The following MMP26 variants were observed in gnomAD, a reference collection of about 807,000 sequenced individuals.
The protein encoded by MMP26 is matrix metallopeptidase 26.
In MMP26, 33 loss-of-function variants were observed where a neutral mutation model predicts 31.0. That is an observed-to-expected ratio of 1.06 (90% CI 0.81 to 1.42). The LOEUF (loss-of-function observed/expected upper bound fraction) is 1.42. Among genes scored for constraint, MMP26 ranks in the 40% most tolerant of loss-of-function variants. MMP26 has a pLI of 0.00. For synonymous variants in MMP26, 122 were observed against 114.9 expected (o/e 1.06, Z -0.40); for missense variants, 347 against 316.1 (o/e 1.10, Z -0.74).
chr11:4,980,718 ATTAC>A (rs1227326039), intron 2 of MMP26, among the ~76,000 whole-genome samples: 2 of 152,076 alleles, frequency 1.3e-5, no homozygotes, highest in Non-Finnish European at 2.9e-5. Flanking sequence ...AATATGAAAG[ATTAC>A]TTTGTGGTGA....
chr11:4,859,781 A>T (rs556582900), intron 2 of MMP26: 1 of 471,412 alleles, frequency 2.1e-6, no homozygotes, highest in South Asian at 1.5e-5. Flanking sequence ...TGGATCATGG[A>T]GGCAGCACCC....
chr11:4,743,352 T>A (rs1210401096), intron 1 of MMP26, among the ~76,000 whole-genome samples: 1 of 152,216 alleles, frequency 6.6e-6, no homozygotes, highest in African/African-American at 2.4e-5. Context: ...AATTATTTCC[T>A]TATGTGCTAA....
At chr11:4,710,298 G>T (rs778170053) in intron 1 of MMP26, 25 of 456,656 alleles carry the variant, frequency 5.5e-5, no homozygotes, top group African/African-American at 4.4e-4. Flanking sequence ...TGGTACCTGT[G>T]TCTCTCACAT....
chr11:4,881,794 C>A (rs971086910), intron 2 of MMP26: 3 of 1,032,730 alleles, frequency 2.9e-6, no homozygotes, highest in African/African-American at 1.6e-5. Context: ...AAAATAACTA[C>A]CTTAAATTTA....
chr11:4,803,872 G>T, intron 2 of MMP26: 2 of 1,612,656 alleles, frequency 1.2e-6, no homozygotes, highest in Non-Finnish European at 1.7e-6. Context: ...TTGGCAGAAG[G>T]GCATCCTAGA....
intron 2 of MMP26, chr11:4,768,891 A>T: frequency 1.4e-6 from 1 of 711,598 alleles, no homozygotes; most frequent in Non-Finnish European, 2.2e-6. Context: ...TTAAAAACCC[A>T]CATGCAATAG....
intron 2 of MMP26, among the ~76,000 whole-genome samples, chr11:4,935,240 CT>C (rs1205400397): frequency 2.6e-5 from 4 of 151,066 alleles, no homozygotes. Context: ...TTTGTATCCT[CT>C]TTTATTTCAT....
At chr11:4,969,656 T>A (rs1427036159) in intron 2 of MMP26, among the ~76,000 whole-genome samples, 1 of 152,114 alleles carries the variant, frequency 6.6e-6, no homozygotes, top group Non-Finnish European at 1.5e-5. Flanking sequence ...ACAATTAATT[T>A]TAACTGCATC....
chr11:4,818,756 G>A lies in MMP26; in HGVS notation c.-145+51415G>A, dbSNP rs149994761. 1.8e-4 allele frequency among the ~76,000 whole-genome samples: 28 copies of A among 152,088 alleles called. 1 individual carries two copies. In the East Asian group the frequency reaches 3.1e-3, roughly 17 times the overall value. ...TTCAGCTTAAAAGACTGTTTTTCTC[G>A]TTTATGTGTTTCCGGAATAGAGAAG... On this transcript the variant is annotated intron_variant, in intron 2 of 7. Coordinates refer to ENST00000380390, the MANE Select transcript of MMP26 (RefSeq NM_021801.5).
intron 2 of MMP26, among the ~76,000 whole-genome samples, chr11:4,854,152 A>G (rs1850015010): frequency 4.6e-5 from 7 of 152,236 alleles, no homozygotes; most frequent in Admixed American, 4.6e-4. Context: ...AGCATGAGTG[A>G]CACAGAAGAC....
chr11:4,840,929 T>A (rs751207528), intron 2 of MMP26, among the ~76,000 whole-genome samples: 2 of 152,070 alleles, frequency 1.3e-5, no homozygotes, highest in Non-Finnish European at 2.9e-5. Context: ...GAGAAGGAAC[T>A]CAGAACTACA....
intron 1 of MMP26, chr11:4,723,929 G>T: frequency 1.1e-6 from 1 of 880,566 alleles, no homozygotes; most frequent in Non-Finnish European, 1.9e-6. Context: ...TGGATGTTGG[G>T]ATCTACCTCC....
intron 1 of MMP26, among the ~76,000 whole-genome samples, chr11:4,750,663 TCAGAAA>T (rs746144119): frequency 6.6e-6 from 1 of 151,906 alleles, no homozygotes; most frequent in Non-Finnish European, 1.5e-5. Context: ...ATGAAATAAC[TCAGAAA>T]CAGAAAGTAA....
At chr11:4,826,474 C>A (rs925645105) in intron 2 of MMP26, among the ~76,000 whole-genome samples, 1 of 151,998 alleles carries the variant, frequency 6.6e-6, no homozygotes, top group African/African-American at 2.4e-5. Context: ...CCAGGTTATG[C>A]CATTGTTGTT....
At chr11:4,892,186 C>T (rs1319582342) in intron 2 of MMP26, among the ~76,000 whole-genome samples, 2 of 152,218 alleles carry the variant, frequency 1.3e-5, no homozygotes, top group Non-Finnish European at 1.5e-5. Flanking sequence ...CATTCCTCTT[C>T]TAGAAGACCT....
intron 2 of MMP26, among the ~76,000 whole-genome samples, chr11:4,878,907 C>T (rs189717585): frequency 3.3e-5 from 5 of 151,930 alleles, no homozygotes; most frequent in East Asian, 1.9e-4. Context: ...GTGACTCATA[C>T]GTATATAGTG....
In MMP26 at chr11:4,946,293, A is replaced by T; in HGVS notation, c.-144-41775A>T. ...GCCATGAGAACATTAATGAGGGGAG[A>T]GACATGCCGGGCAAAGCGGTGGACA... On this transcript the variant is annotated intron_variant, in intron 2 of 7. Coordinates refer to ENST00000380390, the MANE Select transcript of MMP26 (RefSeq NM_021801.5). 1.2e-6 allele frequency: 2 copies of T among 1,613,862 alleles called. No individual in the cohort carries two copies. The highest frequency in any genetic ancestry group is 2.7e-5 in the African/African-American group (2 of 74,838).
chr11:4,976,545 G>T (rs994966201), intron 2 of MMP26, among the ~76,000 whole-genome samples: 13 of 151,956 alleles, frequency 8.6e-5, no homozygotes, highest in Non-Finnish European at 1.9e-4. Flanking sequence ...GCTGAACCCA[G>T]GATAAAGCCA....
In MMP26 at chr11:4,816,132, G is replaced by T. The variant is rs570608876; in HGVS notation, c.-145+48791G>T. ...TCTGTTGATTTTTTATCAACCTGTT[G>T]GTTGTTCAGGAAGATGTTGTTTAAT... is the stretch of plus-strand genomic sequence containing the variant. On this transcript the variant is annotated intron_variant, in intron 2 of 7. Transcript: ENST00000380390. Among the ~76,000 whole-genome samples the T allele has an allele frequency of 1.5e-4, 23 of 152,136 alleles. No homozygotes were observed. In the South Asian group the frequency reaches 4.8e-3, roughly 32 times the overall value.
Sources: gnomAD v4.1 joint callset for allele counts (sites outside exome capture counted in the v4.1 genomes callset) on GRCh38, gnomAD v4.1.1 for gene constraint, MANE v1.5 for transcripts, NCBI Gene and HGNC (gene_info 2026-07-23, HGNC 2026-07-21) for gene names.